RASGRF2: variants seen among roughly 807,000 people sequenced by gnomAD.
RASGRF2 encodes the protein ras-specific guanine nucleotide-releasing factor 2.
RASGRF2 carries 76 observed loss-of-function variants against 151.0 expected under a neutral mutation model. The observed-to-expected ratio is 0.50, with a 90% CI of 0.42 to 0.61. The LOEUF is 0.61. RASGRF2 is among the 20% of genes least tolerant of loss of function. The pLI, the probability that RASGRF2 is intolerant of heterozygous loss-of-function variation, is 0.00. For missense variants in RASGRF2, 1,148 were observed against 1,564.6 expected (o/e 0.73, Z 4.49); for synonymous variants, 504 against 566.5 (o/e 0.89, Z 1.57).
intron 1 of RASGRF2, among the ~76,000 whole-genome samples, chr5:80,961,334 A>G (rs775911842): frequency 3.3e-5 from 5 of 152,090 alleles, no homozygotes; most frequent in African/African-American, 4.8e-5. Context: ...GCTTCTCTAG[A>G]CCTGGCTCGC....
intron 2 of RASGRF2, among the ~76,000 whole-genome samples, chr5:81,047,619 G>A (rs2112405398): frequency 6.6e-6 from 1 of 152,322 alleles, no homozygotes. Context: ...ATTACAAAAA[G>A]GAATATGTTT....
intron 17 of RASGRF2, among the ~76,000 whole-genome samples, chr5:81,156,510 T>C (rs1217788832): frequency 1.3e-5 from 2 of 152,298 alleles, no homozygotes; most frequent in South Asian, 4.1e-4. Flanking sequence ...CATAACCAAA[T>C]AGGATTTTTC....
At chr5:80,979,875 C>T (rs888403513) in intron 1 of RASGRF2, among the ~76,000 whole-genome samples, 3 of 152,210 alleles carry the variant, frequency 2.0e-5, no homozygotes, top group Admixed American at 6.5e-5. Context: ...GAAAGATGGC[C>T]GATGTTAGTA....
At chr5:81,000,329 C>T (rs947194120) in intron 1 of RASGRF2, among the ~76,000 whole-genome samples, 1 of 152,240 alleles carries the variant, frequency 6.6e-6, no homozygotes, top group Admixed American at 6.5e-5. Flanking sequence ...TCAACCTCCA[C>T]CTCCTGGGTT....
chr5:80,992,054 A>C (rs1748667498), intron 1 of RASGRF2, among the ~76,000 whole-genome samples: 1 of 151,894 alleles, frequency 6.6e-6, no homozygotes, highest in South Asian at 2.1e-4. Flanking sequence ...GTCTGTTCCC[A>C]CCCTCTCCTG....
intron 17 of RASGRF2, among the ~76,000 whole-genome samples, chr5:81,156,675 T>C (rs1378239247): frequency 6.6e-6 from 1 of 152,222 alleles, no homozygotes; most frequent in Non-Finnish European, 1.5e-5. Flanking sequence ...GAAAATTCCT[T>C]AGTTTGATAA....
At chr5:81,132,526 T>C (rs946243948) in intron 17 of RASGRF2, among the ~76,000 whole-genome samples, 2 of 152,188 alleles carry the variant, frequency 1.3e-5, no homozygotes, top group African/African-American at 4.8e-5. Context: ...GCTGAGCACC[T>C]GGTAGACTTG....
intron 2 of RASGRF2, among the ~76,000 whole-genome samples, chr5:81,058,501 TTGG>T (rs1187477685): frequency 2.6e-5 from 4 of 152,106 alleles, no homozygotes; most frequent in South Asian, 4.1e-4. Context: ...TGATGCAGAG[TTGG>T]GGGGATACCC....
chr5:81,006,427 G>A (rs1362003093), intron 1 of RASGRF2, among the ~76,000 whole-genome samples: 2 of 152,218 alleles, frequency 1.3e-5, no homozygotes, highest in African/African-American at 4.8e-5. Context: ...TTTTGAAAGT[G>A]CAAAGGTGTT....
chr5:81,197,286 C>G (rs1755286029), intron 18 of RASGRF2, among the ~76,000 whole-genome samples: 1 of 151,020 alleles, frequency 6.6e-6, no homozygotes, highest in Non-Finnish European at 1.5e-5. Context: ...GAAACCCCGT[C>G]TCTACTAAAA....
chr5:81,000,996 A>T (rs1749062474), intron 1 of RASGRF2, among the ~76,000 whole-genome samples: 1 of 152,244 alleles, frequency 6.6e-6, no homozygotes, highest in South Asian at 2.1e-4. Flanking sequence ...GTCTCAAATG[A>T]TTAATATATT....
At chr5:81,092,057 G>A (rs1303152004) in intron 9 of RASGRF2, among the ~76,000 whole-genome samples, 2 of 152,140 alleles carry the variant, frequency 1.3e-5, no homozygotes, top group South Asian at 2.1e-4. Flanking sequence ...AGGTTGCTAT[G>A]AGGGTGAAAT....
intron 9 of RASGRF2, chr5:81,088,725 C>A (rs1044235437): frequency 3.3e-5 from 5 of 151,918 alleles, no homozygotes; most frequent in African/African-American, 4.8e-5. Context: ...GTATTATAAC[C>A]CACAAACATA....
chr5:81,195,003 C>A (rs1025388126), intron 18 of RASGRF2, among the ~76,000 whole-genome samples: 1 of 152,236 alleles, frequency 6.6e-6, no homozygotes, highest in Non-Finnish European at 1.5e-5. Flanking sequence ...CCTCTCTCTC[C>A]ACATCCCTGC....
At chr5:81,063,038 G>GA (rs60775009) in intron 2 of RASGRF2, among the ~76,000 whole-genome samples, 23,518 of 145,462 alleles carry the variant, frequency 0.16, 1,961 homozygotes, top group Middle Eastern at 0.3. Flanking sequence ...AAGTATGACA[G>GA]AAAAAAAAAA....
intron 12 of RASGRF2, among the ~76,000 whole-genome samples, chr5:81,095,750 T>C (rs1752530444): frequency 6.6e-6 from 1 of 151,916 alleles, no homozygotes; most frequent in African/African-American, 2.4e-5. Flanking sequence ...GTTTTCATGC[T>C]TTTTTTTGGA....
chr5:80,999,998 A>G (rs565848519), intron 1 of RASGRF2, among the ~76,000 whole-genome samples: 13 of 152,224 alleles, frequency 8.5e-5, no homozygotes, highest in Non-Finnish European at 1.3e-4. Context: ...GTGTTCCACG[A>G]TATCTGGGAC....
intron 17 of RASGRF2, among the ~76,000 whole-genome samples, chr5:81,149,770 A>T (rs1026811937): frequency 2.0e-5 from 3 of 152,150 alleles, no homozygotes. Flanking sequence ...TATATTTCAC[A>T]TACCACCCAG....
intron 3 of RASGRF2, chr5:81,070,039 C>CT (rs1751725783): frequency 1.3e-5 from 2 of 158,354 alleles, no homozygotes; most frequent in Non-Finnish European, 2.8e-5. Flanking sequence ...CTAAGGATGT[C>CT]TGTGAGTCTG....
Sources: allele counts gnomAD v4.1 joint callset (sites outside exome capture counted in the v4.1 genomes callset), GRCh38; gene constraint gnomAD v4.1.1; transcripts MANE v1.5; gene names NCBI Gene and HGNC (gene_info 2026-07-23, HGNC 2026-07-21).